The following ADGRL2 variants were observed in gnomAD, a reference collection of about 807,000 sequenced individuals.
ADGRL2 encodes the protein calcium-independent alpha-latrotoxin receptor 2.
ADGRL2 carries 44 observed loss-of-function variants against 157.4 expected under a neutral mutation model. The ratio of observed to expected loss-of-function variants is 0.28; its 90% CI spans 0.22 to 0.36. ADGRL2 has a LOEUF of 0.36. Ranked by LOEUF, ADGRL2 falls within the 10% of genes least tolerant of loss-of-function variation. The probability of loss-of-function intolerance (pLI) is 1.00; values close to 1 mark genes in which losing one functional copy is unlikely to be tolerated. For missense variants in ADGRL2, 1,510 were observed against 1,768.9 expected, an observed-to-expected ratio of 0.85 and a Z score of 2.63; for synonymous variants, 585 against 624.7, an observed-to-expected ratio of 0.94 and a Z score of 0.95.
At chr1:81,571,553 A>G (rs1245698453) in intron 2 of ADGRL2, among the ~76,000 whole-genome samples, 1 of 151,560 alleles carries the variant, frequency 6.6e-6, no homozygotes, top group East Asian at 1.9e-4. Flanking sequence ...ATGTGACAGA[A>G]TGATGTTAAG....
intron 7 of ADGRL2, 124 bp downstream of exon 7, chr1:81,950,606 G>A (rs2149066864): frequency 1.1e-6 from 1 of 919,388 alleles, no homozygotes; most frequent in East Asian, 2.6e-5. Flanking sequence ...TTGTACTTTG[G>A]TAATATAACA....
intron 2 of ADGRL2, among the ~76,000 whole-genome samples, chr1:81,517,957 A>G (rs2148138741): frequency 6.6e-6 from 1 of 152,362 alleles, no homozygotes; most frequent in East Asian, 1.9e-4. Flanking sequence ...CTATATGTTA[A>G]AATGCGTATA....
chr1:81,918,252 A>G lies in ADGRL2; in HGVS notation c.287+11022A>G, dbSNP rs148869819. Among the ~76,000 whole-genome samples the G allele has an allele frequency of 4.8e-3, 727 of 152,226 alleles. 9 individuals are homozygous for G. Among genetic ancestry groups the G allele is most frequent in the African/African-American group, 0.016 (675 of 41,544 alleles). On this transcript the variant is annotated intron_variant, in intron 3 of 23. Coordinates refer to ENST00000686636, the MANE Select transcript of ADGRL2 (RefSeq NM_001366006.2). ...ATACTTCCTTCCTGATCGTGACATAAATGTGCAAAGCCAGATGTCATATTG... is the reference window on the plus strand; with the variant it reads ...ATACTTCCTTCCTGATCGTGACATAGATGTGCAAAGCCAGATGTCATATTG...
chr1:81,645,972 C>T (rs1027970923), intron 3 of ADGRL2, among the ~76,000 whole-genome samples: 6 of 152,198 alleles, frequency 3.9e-5, no homozygotes, highest in Non-Finnish European at 7.3e-5. Context: ...GATTTCCACA[C>T]TCTAGCCAAT....
intron 3 of ADGRL2, among the ~76,000 whole-genome samples, chr1:81,619,385 A>T (rs1270800642): frequency 1.3e-5 from 2 of 152,184 alleles, no homozygotes; most frequent in African/African-American, 4.8e-5. Context: ...AACAACCTAC[A>T]GCAATTTGCA....
intron 3 of ADGRL2, among the ~76,000 whole-genome samples, chr1:81,658,216 C>T (rs546272844): frequency 6.6e-6 from 1 of 152,294 alleles, no homozygotes; most frequent in East Asian, 1.9e-4. Flanking sequence ...CTGCCTCAGC[C>T]TCCTGAGTAG....
intron 1 of ADGRL2, among the ~76,000 whole-genome samples, chr1:81,832,980 A>G (rs898633046): frequency 1.3e-5 from 2 of 152,120 alleles, no homozygotes; most frequent in African/African-American, 4.8e-5. Context: ...TAAAACTATA[A>G]TTTATTTTTT....
At chr1:81,802,589 T>C (rs950846411) in intron 1 of ADGRL2, among the ~76,000 whole-genome samples, 7 of 152,058 alleles carry the variant, frequency 4.6e-5, no homozygotes, top group Non-Finnish European at 1.0e-4. Context: ...TCATAAAAGC[T>C]TGGGGTCGCA....
At chr1:81,460,812 CAG>C (rs1475820787) in intron 2 of ADGRL2, among the ~76,000 whole-genome samples, 1 of 152,216 alleles carries the variant, frequency 6.6e-6, no homozygotes, top group East Asian at 1.9e-4. Flanking sequence ...TGGAAGGACA[CAG>C]ACTATAGGAA....
At chr1:81,722,593 G>A in intron 1 of ADGRL2, 2 of 1,450,876 alleles carry the variant, frequency 1.4e-6, no homozygotes, top group Non-Finnish European at 1.9e-6. Flanking sequence ...CCACTGGGAA[G>A]ATGTAGCCCA....
chr1:81,863,273 C>T (rs2093441153), intron 2 of ADGRL2, among the ~76,000 whole-genome samples: 1 of 152,102 alleles, frequency 6.6e-6, no homozygotes. Flanking sequence ...TCAGGTTCTT[C>T]TTCATTACTG....
intron 1 of ADGRL2, among the ~76,000 whole-genome samples, chr1:81,347,694 AT>A (rs558961676): frequency 2.3e-3 from 351 of 152,326 alleles, no homozygotes; most frequent in African/African-American, 7.9e-3. Flanking sequence ...ATTGCAAAAA[AT>A]GAGAAAACTT....
chr1:81,674,387 C>T (rs1272478515), intron 3 of ADGRL2, among the ~76,000 whole-genome samples: 1 of 152,156 alleles, frequency 6.6e-6, no homozygotes, highest in South Asian at 2.1e-4. Flanking sequence ...AGGCATAGCA[C>T]GCATGTTGAA....
intron 1 of ADGRL2, among the ~76,000 whole-genome samples, chr1:81,718,379 T>C (rs771924715): frequency 2.0e-5 from 3 of 152,076 alleles, no homozygotes; most frequent in Non-Finnish European, 4.4e-5. Context: ...TTACTGAAAT[T>C]AAAAGTATGA....
chr1:81,328,389 C>T (rs890530745), intron 1 of ADGRL2, among the ~76,000 whole-genome samples: 1 of 152,028 alleles, frequency 6.6e-6, no homozygotes, highest in African/African-American at 2.4e-5. Context: ...AATTGTGCTA[C>T]CCACTAAAAA....
At chr1:81,518,076 G>C (rs1367616637) in intron 2 of ADGRL2, among the ~76,000 whole-genome samples, 2 of 152,240 alleles carry the variant, frequency 1.3e-5, no homozygotes, top group African/African-American at 4.8e-5. Flanking sequence ...TTGAGACTAG[G>C]TTTTTAGCGA....
At chr1:81,333,762 CAAAAA>C (rs35097540) in intron 1 of ADGRL2, among the ~76,000 whole-genome samples, 2 of 111,974 alleles carry the variant, frequency 1.8e-5, no homozygotes, top group Admixed American at 9.6e-5. Context: ...GTTCCCTAAG[CAAAAA>C]AAAAAAAAAA....
At chr1:81,427,513 C>A (rs977665674) in intron 1 of ADGRL2, 1 of 750,700 alleles carries the variant, frequency 1.3e-6, no homozygotes, top group Non-Finnish European at 2.4e-6. Context: ...AAATTACGAA[C>A]CCATGTAAGG....
In ADGRL2 at chr1:81,400,296, A is replaced by G. The variant is rs193228734; in HGVS notation, c.-301-44740A>G. 2.0e-3 allele frequency among the ~76,000 whole-genome samples: 300 copies of G among 152,134 alleles called. 4 individuals are homozygous for G. The highest frequency in any genetic ancestry group is 3.0e-3 in the Non-Finnish European group (201 of 68,000). On this transcript the variant is annotated intron_variant, in intron 1 of 24. Transcript: ENST00000370721. Reference sequence around the variant, plus strand: ...AGGAACATCTTTGGGGCCCGTGTCAAGACTCAGAGTCTGTGAACCTATGGT... The same window carrying G: ...AGGAACATCTTTGGGGCCCGTGTCAGGACTCAGAGTCTGTGAACCTATGGT...
Sources: allele counts gnomAD v4.1 joint callset (sites outside exome capture counted in the v4.1 genomes callset), GRCh38; gene constraint gnomAD v4.1.1; transcripts MANE v1.5; gene names NCBI Gene and HGNC (gene_info 2026-07-23, HGNC 2026-07-21).